TRAPPC2: variants seen among roughly 807,000 people sequenced by gnomAD.
TRAPPC2 encodes the protein sedlin.
Under a neutral mutation model 10.0 loss-of-function variants are expected in TRAPPC2, and 4 were observed. The observed-to-expected ratio is 0.40, with a 90% CI of 0.20 to 0.92. TRAPPC2 has a LOEUF of 0.92. Ranked by LOEUF, TRAPPC2 falls within the 40% of genes least tolerant of loss-of-function variation. TRAPPC2 has a pLI of 0.35. For missense variants in TRAPPC2, 52 were observed against 108.7 expected (o/e 0.48, Z 2.32); for synonymous variants, 36 against 37.3 (o/e 0.97, Z 0.12).
At chrX:13,721,613 A>G (rs972064211) in intron 2 of TRAPPC2, 1 of 112,226 alleles carries the variant, frequency 8.9e-6, no homozygotes, top group African/African-American at 3.2e-5. Flanking sequence ...CAATGAAATC[A>G]GAAGAAATCT....
intron 2 of TRAPPC2, among the ~76,000 whole-genome samples, chrX:13,725,470 G>A (rs981044198): frequency 1.5e-4 from 17 of 112,366 alleles, no homozygotes; most frequent in Non-Finnish European, 2.8e-4. Flanking sequence ...AACGGGGTCT[G>A]GAGTGGACCT....
intron 2 of TRAPPC2, among the ~76,000 whole-genome samples, chrX:13,724,796 C>T (rs931996016): frequency 3.6e-5 from 4 of 112,520 alleles, no homozygotes; most frequent in East Asian, 2.8e-4. Context: ...CAGGGCAGGG[C>T]GTCGCCTCAC....
At chrX:13,729,495 G>C (rs1442230504) in intron 2 of TRAPPC2, among the ~76,000 whole-genome samples, 2 of 112,283 alleles carry the variant, frequency 1.8e-5, no homozygotes, top group Non-Finnish European at 3.8e-5. Context: ...ACAAGAAATG[G>C]GGAAAGGATT....
intron 2 of TRAPPC2, among the ~76,000 whole-genome samples, chrX:13,731,739 C>G (rs1220679473): frequency 8.9e-6 from 1 of 111,984 alleles, no homozygotes; most frequent in African/African-American, 3.2e-5. Flanking sequence ...ATTGGGTGCT[C>G]CGTGTCAATT....
chrX:13,734,206 G>C, intron 1 of TRAPPC2, 21 bp from the exon 2 acceptor site: 1 of 468,264 alleles, frequency 2.1e-6, no homozygotes, highest in Non-Finnish European at 3.8e-6. Flanking sequence ...AGAGAGCAAG[G>C]ATACAGCTAA....
intron 2 of TRAPPC2, among the ~76,000 whole-genome samples, chrX:13,724,432 G>A (rs1324147507): frequency 9.2e-6 from 1 of 108,356 alleles, no homozygotes; most frequent in Non-Finnish European, 1.9e-5. Context: ...GGCTTTTTAG[G>A]CTACGATCAG....
intron 2 of TRAPPC2, among the ~76,000 whole-genome samples, chrX:13,723,231 A>T (rs2046465998): frequency 8.9e-6 from 1 of 112,033 alleles, no homozygotes; most frequent in African/African-American, 3.2e-5. Flanking sequence ...CTAGTGGCAC[A>T]ATCTTAGCGC....
At chrX:13,726,642 T>C in intron 2 of TRAPPC2, among the ~76,000 whole-genome samples, 1 of 111,975 alleles carries the variant, frequency 8.9e-6, no homozygotes, top group Admixed American at 9.5e-5. Flanking sequence ...TACCAGCCAC[T>C]GCAAAAACAG....
chrX:13,732,555 T>C (rs1341452919), intron 2 of TRAPPC2, among the ~76,000 whole-genome samples: 2 of 112,768 alleles, frequency 1.8e-5, no homozygotes. Flanking sequence ...ATTATCCATG[T>C]CTGCTATGAA....
At chrX:13,715,643 TA>T in intron 5 of TRAPPC2, 1 of 225,040 alleles carries the variant, frequency 4.4e-6, no homozygotes, top group Non-Finnish European at 6.7e-6. Flanking sequence ...AACTTATTTG[TA>T]AAGTAGATGG....
At chrX:13,721,510 ACAGT>A (rs1439687390) in intron 2 of TRAPPC2, 1 of 112,213 alleles carries the variant, frequency 8.9e-6, no homozygotes, top group Non-Finnish European at 1.9e-5. Flanking sequence ...ACCGGGAGTT[ACAGT>A]CAGTCTCCTA....
At chrX:13,727,808 G>A (rs763193076) in intron 2 of TRAPPC2, among the ~76,000 whole-genome samples, 4 of 111,811 alleles carry the variant, frequency 3.6e-5, no homozygotes, top group Non-Finnish European at 7.5e-5. Flanking sequence ...AATGAATCCA[G>A]GAGCTGGTTT....
intron 2 of TRAPPC2, chrX:13,721,971 A>G (rs1459014881): frequency 9.1e-6 from 1 of 110,339 alleles, no homozygotes; most frequent in Non-Finnish European, 1.9e-5. Flanking sequence ...TTTTAGGGGA[A>G]AGATAAGAAA....
At chrX:13,724,731 C>A (rs976176889) in intron 2 of TRAPPC2, among the ~76,000 whole-genome samples, 2 of 112,519 alleles carry the variant, frequency 1.8e-5, no homozygotes, top group Non-Finnish European at 3.8e-5. Context: ...GTACCTGGTT[C>A]ATCTCATTGG....
chrX:13,719,746 C>T (rs771832007), intron 3 of TRAPPC2, 125 bp downstream of exon 3: 8 of 512,747 alleles, frequency 1.6e-5, no homozygotes, highest in African/African-American at 2.4e-5. Context: ...TTCTATCAGT[C>T]TGTGGGCTCC....
Position 13,734,555 on chromosome X carries a change from A to C in TRAPPC2, c.-192T>G. Reference sequence around the variant, plus strand: ...GTGGGAGGCCGACAACGGAAACGCAATGTCAGTTTCCGCGGAAGAGACCCG... The same window carrying C: ...GTGGGAGGCCGACAACGGAAACGCACTGTCAGTTTCCGCGGAAGAGACCCG... On this transcript the variant is annotated 5_prime_UTR_variant, in exon 1 of 6. Transcript: ENST00000380579. 2 of 396,918 alleles carry C rather than the reference A, an allele frequency of 5.0e-6. No individual in the cohort carries two copies. The highest frequency in any genetic ancestry group is 6.9e-6 in the Non-Finnish European group (2 of 289,332). 32.7% of individuals were successfully genotyped at this position (396,918 alleles called of 1,213,427 possible).
chrX:13,734,399 A>G (rs1311335707), intron 1 of TRAPPC2, 126 bp downstream of exon 1: 5 of 278,616 alleles, frequency 1.8e-5, no homozygotes, highest in Non-Finnish European at 2.5e-5. Flanking sequence ...GAGGGCTGGC[A>G]GGTCCGGCCC....
intron 2 of TRAPPC2, among the ~76,000 whole-genome samples, chrX:13,725,015 G>T (rs987077039): frequency 5.3e-5 from 6 of 113,313 alleles, no homozygotes; most frequent in African/African-American, 1.6e-4. Flanking sequence ...AGCAGTCTGA[G>T]ATTGAACTGT....
chrX:13,723,945 C>T (rs191377471), intron 2 of TRAPPC2, among the ~76,000 whole-genome samples: 1 of 111,570 alleles, frequency 9.0e-6, no homozygotes, highest in South Asian at 3.8e-4. Flanking sequence ...GACCCAATGT[C>T]ATGACAAGGG....
Sources: gnomAD v4.1 joint callset for allele counts (sites outside exome capture counted in the v4.1 genomes callset) on GRCh38, gnomAD v4.1.1 for gene constraint, MANE v1.5 for transcripts, NCBI Gene and HGNC (gene_info 2026-07-23, HGNC 2026-07-21) for gene names.